Variants in PRIM2 observed in about 807,000 individuals in gnomAD.
PRIM2 encodes the protein DNA primase large subunit.
Under a neutral mutation model 67.3 loss-of-function variants are expected in PRIM2, and 39 were observed. That is an observed-to-expected ratio of 0.58 (90% confidence interval 0.45 to 0.76). The LOEUF (loss-of-function observed/expected upper bound fraction) is 0.76. Among genes scored for constraint, PRIM2 ranks in the 30% least tolerant of loss-of-function variants. The pLI is 0.00. For missense variants in PRIM2, 398 were observed against 598.7 expected (o/e 0.66, Z 3.50); for synonymous variants, 143 against 198.7 (o/e 0.72, Z 2.36).
At chr6:57,509,164 A>G (rs1336142689) in intron 8 of PRIM2, among the ~76,000 whole-genome samples, 2 of 150,886 alleles carry the variant, frequency 1.3e-5, no homozygotes, top group Non-Finnish European at 2.9e-5. Context: ...CTTCCCAGAC[A>G]GCTTTTTAAC....
At chr6:57,564,501 T>C (rs1172424556) in intron 10 of PRIM2, among the ~76,000 whole-genome samples, 2 of 152,218 alleles carry the variant, frequency 1.3e-5, no homozygotes, top group Admixed American at 6.5e-5. Context: ...AATAGTAATA[T>C]GAAATTATAA....
At chr6:57,583,085 A>G (rs1358025739) in intron 10 of PRIM2, among the ~76,000 whole-genome samples, 2 of 149,642 alleles carry the variant, frequency 1.3e-5, no homozygotes, top group South Asian at 2.1e-4. Flanking sequence ...ATGATTTCCA[A>G]TTTCATCCAT....
At chr6:57,327,904 A>G (rs1048838475) in intron 5 of PRIM2, among the ~76,000 whole-genome samples, 1 of 152,114 alleles carries the variant, frequency 6.6e-6, no homozygotes, top group East Asian at 1.9e-4. Flanking sequence ...TGGTTTTGGG[A>G]TGAACAGATC....
At chr6:57,327,484 T>G (rs1199922628) in intron 5 of PRIM2, among the ~76,000 whole-genome samples, 3 of 152,222 alleles carry the variant, frequency 2.0e-5, no homozygotes, top group Non-Finnish European at 2.9e-5. Flanking sequence ...ACAAACATTT[T>G]GTAGACGTTT....
chr6:57,370,275 A>G (rs1466227957), intron 5 of PRIM2, among the ~76,000 whole-genome samples: 1 of 152,170 alleles, frequency 6.6e-6, no homozygotes, highest in Non-Finnish European at 1.5e-5. Context: ...CTCATTTAGG[A>G]GAACCTAAAT....
At chr6:57,306,393 G>A in the PRIM2 span, among the ~76,000 whole-genome samples, 1 of 152,132 alleles carries the variant, frequency 6.6e-6, no homozygotes, top group Admixed American at 6.6e-5. Context: ...AGGTTCAGGT[G>A]ACTCCCGACC....
chr6:57,372,529 T>G (rs1185258011), intron 5 of PRIM2, among the ~76,000 whole-genome samples: 2 of 152,182 alleles, frequency 1.3e-5, no homozygotes, highest in Non-Finnish European at 2.9e-5. Context: ...AACTTCATCC[T>G]CTGCTGTATT....
upstream of PRIM2, among the ~76,000 whole-genome samples, chr6:57,317,147 G>A (rs185919380): frequency 5.7e-4 from 86 of 152,196 alleles, no homozygotes; most frequent in African/African-American, 2.1e-3. Flanking sequence ...GACCTTATAG[G>A]TCGCTGAAAG....
intron 5 of PRIM2, among the ~76,000 whole-genome samples, chr6:57,339,945 G>A (rs959619182): frequency 7.2e-4 from 109 of 151,430 alleles, no homozygotes; most frequent in African/African-American, 2.2e-3. Flanking sequence ...GAAAATTTTC[G>A]CAACCTACTC....
the PRIM2 span, among the ~76,000 whole-genome samples, chr6:57,284,988 T>C: frequency 1.3e-5 from 2 of 152,164 alleles, no homozygotes; most frequent in Admixed American, 1.3e-4. Context: ...GAGAATACTA[T>C]AAACACCTCT....
At chr6:57,635,359 A>T (rs1777101433) in intron 13 of PRIM2, among the ~76,000 whole-genome samples, 1 of 152,228 alleles carries the variant, frequency 6.6e-6, no homozygotes, top group Non-Finnish European at 1.5e-5. Flanking sequence ...AATGTTTGAG[A>T]TTCATTTAGT....
At chr6:57,291,020 T>C in the PRIM2 span, among the ~76,000 whole-genome samples, 1 of 151,716 alleles carries the variant, frequency 6.6e-6, no homozygotes, top group Non-Finnish European at 1.5e-5. Flanking sequence ...CTGAAGGAGA[T>C]AGAGACACAA....
chr6:57,621,705 AAAAAG>A (rs1175340678), intron 12 of PRIM2, among the ~76,000 whole-genome samples: 1 of 152,194 alleles, frequency 6.6e-6, no homozygotes, highest in Non-Finnish European at 1.5e-5. Flanking sequence ...TCATTTGAGA[AAAAAG>A]AAGAGTTACA....
At chr6:57,561,070 G>C (rs1775617260) in intron 10 of PRIM2, among the ~76,000 whole-genome samples, 1 of 152,122 alleles carries the variant, frequency 6.6e-6, no homozygotes, top group East Asian at 1.9e-4. Context: ...CATTGAAAAT[G>C]TGTTGTTTAG....
At chr6:57,267,637 G>A in the PRIM2 span, among the ~76,000 whole-genome samples, 3 of 151,742 alleles carry the variant, frequency 2.0e-5, no homozygotes, top group East Asian at 5.9e-4. Context: ...TGACATGCAC[G>A]GTGGCTCACA....
the PRIM2 span, among the ~76,000 whole-genome samples, chr6:57,267,007 G>T: frequency 1.9e-3 from 285 of 152,288 alleles, no homozygotes; most frequent in African/African-American, 6.6e-3. Flanking sequence ...ATGTGACGTG[G>T]GAAGTCATTA....
At chr6:57,354,451 T>C (rs1290860287) in intron 5 of PRIM2, among the ~76,000 whole-genome samples, 37 of 152,130 alleles carry the variant, frequency 2.4e-4, no homozygotes, top group Non-Finnish European at 2.1e-4. Context: ...GTTTACTGTG[T>C]ATGTGGTAAA....
At chr6:57,271,812 A>G in the PRIM2 span, among the ~76,000 whole-genome samples, 2 of 152,110 alleles carry the variant, frequency 1.3e-5, no homozygotes, top group South Asian at 4.1e-4. Context: ...TGTCCCAGAG[A>G]TTCTGGTATG....
At chr6:57,340,527 T>C (rs2127293318) in intron 5 of PRIM2, among the ~76,000 whole-genome samples, 1 of 152,190 alleles carries the variant, frequency 6.6e-6, no homozygotes, top group Admixed American at 6.5e-5. Flanking sequence ...TATGCAGCCA[T>C]AAAAAATGAT....
Sources: allele counts gnomAD v4.1 joint callset (sites outside exome capture counted in the v4.1 genomes callset), GRCh38; gene constraint gnomAD v4.1.1; transcripts MANE v1.5; gene names NCBI Gene and HGNC (gene_info 2026-07-23, HGNC 2026-07-21).